CNBD1: variants seen among roughly 807,000 people sequenced by gnomAD.
CNBD1 encodes cyclic nucleotide-binding domain-containing protein 1.
CNBD1 carries 71 observed loss-of-function variants against 54.4 expected under a neutral mutation model. The observed-to-expected ratio is 1.30, with a 90% confidence interval of 1.08 to 1.59. The LOEUF is 1.59. CNBD1 is among the 40% of genes most tolerant of loss of function. The pLI, the probability that CNBD1 is intolerant of heterozygous loss-of-function variation, is 0.00. For synonymous variants in CNBD1, 182 were observed against 170.7 expected, an observed-to-expected ratio of 1.07 and a Z score of -0.51; for missense variants, 659 against 518.0, an observed-to-expected ratio of 1.27 and a Z score of -2.64.
intron 2 of CNBD1, among the ~76,000 whole-genome samples, chr8:87,417,619 A>G (rs112045230): frequency 0.015 from 2,281 of 152,080 alleles, 58 homozygotes; most frequent in African/African-American, 0.049. Flanking sequence ...CATACACACA[A>G]AGCCAATTAA....
chr8:87,149,171 T>C (rs1812550015), intron 4 of CNBD1, among the ~76,000 whole-genome samples: 1 of 152,194 alleles, frequency 6.6e-6, no homozygotes, highest in Non-Finnish European at 1.5e-5. Flanking sequence ...TTGTTATTAC[T>C]GCTAAATATA....
intron 5 of CNBD1, among the ~76,000 whole-genome samples, chr8:87,226,073 G>C (rs1209238062): frequency 6.6e-6 from 1 of 151,980 alleles, no homozygotes; most frequent in Admixed American, 6.6e-5. Context: ...ATTTCTGTGG[G>C]ATCGGTGGTG....
At chr8:87,127,453 C>T (rs370938540) in intron 4 of CNBD1, among the ~76,000 whole-genome samples, 20 of 151,972 alleles carry the variant, frequency 1.3e-4, no homozygotes, top group East Asian at 3.9e-4. Context: ...ACTATCTGGA[C>T]GTTCATTGTT....
intron 5 of CNBD1, among the ~76,000 whole-genome samples, chr8:87,232,472 T>C (rs1318445667): frequency 6.6e-6 from 1 of 152,178 alleles, no homozygotes; most frequent in East Asian, 1.9e-4. Flanking sequence ...TATTGCAGTC[T>C]CCCTCTTCTG....
intron 10 of CNBD1, among the ~76,000 whole-genome samples, chr8:87,382,105 T>G (rs1408148279): frequency 1.3e-5 from 2 of 151,840 alleles, no homozygotes; most frequent in Non-Finnish European, 2.9e-5. Context: ...TATTAAATAA[T>G]AGAAAACAAA....
chr8:87,108,952 TAA>T (rs1811601610), intron 4 of CNBD1, among the ~76,000 whole-genome samples: 3 of 152,156 alleles, frequency 2.0e-5, no homozygotes, highest in Non-Finnish European at 4.4e-5. Context: ...TAGCATTTGG[TAA>T]AAGTTATTTA....
rs1229266249 is a variant in CNBD1, at chr8:87,112,145, C to T, written c.432-93848C>T. Among the ~76,000 whole-genome samples, 4 of 152,170 alleles carry T rather than the reference C, an allele frequency of 2.6e-5. No homozygotes were observed. In the South Asian group the frequency reaches 6.2e-4, roughly 24 times the overall value. ...TGTCCACTTCTCTGTGCTTTTGATT[C>T]TTCCATCATCTGCCTGCTCACTCTT... On this transcript the variant is annotated intron_variant, in intron 4 of 10. Coordinates refer to ENST00000518476, the MANE Select transcript of CNBD1 (RefSeq NM_173538.3).
At chr8:86,932,591 C>T (rs1208391830) in intron 3 of CNBD1, among the ~76,000 whole-genome samples, 1 of 152,122 alleles carries the variant, frequency 6.6e-6, no homozygotes, top group Admixed American at 6.6e-5. Flanking sequence ...ATTTGCCTTC[C>T]CTCTTACAGA....
intron 4 of CNBD1, among the ~76,000 whole-genome samples, chr8:87,102,687 C>T (rs1437389066): frequency 1.3e-5 from 2 of 152,170 alleles, no homozygotes; most frequent in South Asian, 2.1e-4. Flanking sequence ...GATTTCGGCT[C>T]ACTGCAAGCT....
intron 8 of CNBD1, among the ~76,000 whole-genome samples, chr8:87,334,023 G>T (rs1009577535): frequency 6.6e-6 from 1 of 151,934 alleles, no homozygotes; most frequent in Non-Finnish European, 1.5e-5. Context: ...TTTGTTTTTT[G>T]GTCGGTAGGC....
chr8:87,182,334 G>A lies in CNBD1; in HGVS notation c.432-23659G>A, dbSNP rs906600132. Among the ~76,000 whole-genome samples the A allele has an allele frequency of 6.6e-6, 1 of 150,772 alleles. No individual in the cohort carries two copies. The highest frequency in any genetic ancestry group is 2.4e-5 in the African/African-American group (1 of 41,318). ...AGGTTGATTCCATGTCTTTGCTACTGTAAACAGCACTGTGATAGACATATG... is the reference window on the plus strand; with the variant it reads ...AGGTTGATTCCATGTCTTTGCTACTATAAACAGCACTGTGATAGACATATG... On this transcript the variant is annotated intron_variant, in intron 4 of 10. Transcript: ENST00000518476. The surrounding 1 kb of genome is among the most constrained non-coding windows in gnomAD (Gnocchi z 4.1).
At chr8:87,123,103 G>C (rs956917521) in intron 4 of CNBD1, among the ~76,000 whole-genome samples, 1 of 151,784 alleles carries the variant, frequency 6.6e-6, no homozygotes, top group African/African-American at 2.4e-5. Context: ...TTTTGACAGA[G>C]AATGCATTGA....
chr8:86,978,383 T>C (rs1056142670), intron 4 of CNBD1, among the ~76,000 whole-genome samples: 1 of 152,110 alleles, frequency 6.6e-6, no homozygotes, highest in African/African-American at 2.4e-5. Context: ...ATAAATGAGA[T>C]AGCAGATAAT....
At chr8:86,945,995 T>C (rs767127235) in intron 4 of CNBD1, among the ~76,000 whole-genome samples, 1 of 152,182 alleles carries the variant, frequency 6.6e-6, no homozygotes, top group Non-Finnish European at 1.5e-5. Context: ...AGTTGTATGA[T>C]CTTGGGCAAA....
chr8:87,137,932 T>G (rs1812291594), intron 4 of CNBD1, among the ~76,000 whole-genome samples: 1 of 152,178 alleles, frequency 6.6e-6, no homozygotes, highest in African/African-American at 2.4e-5. Flanking sequence ...ATGGTTATGA[T>G]TCTTCATTTT....
intron 10 of CNBD1, among the ~76,000 whole-genome samples, chr8:87,362,723 T>G (rs1810548786): frequency 6.6e-6 from 1 of 152,080 alleles, no homozygotes. Context: ...GAACCCTCTG[T>G]GAGTCCACGC....
intron 2 of CNBD1, among the ~76,000 whole-genome samples, chr8:87,410,372 A>G (rs953049347): frequency 3.9e-5 from 6 of 152,192 alleles, no homozygotes. Context: ...AAAATCTTCT[A>G]TAAAGAATTT....
At chr8:87,389,388 G>A (rs1563583048) in intron 2 of CNBD1, among the ~76,000 whole-genome samples, 1 of 152,112 alleles carries the variant, frequency 6.6e-6, no homozygotes, top group Admixed American at 6.5e-5. Context: ...AAGCTGATAG[G>A]CAACTTCAGG....
intron 4 of CNBD1, among the ~76,000 whole-genome samples, chr8:87,006,769 C>T (rs932059053): frequency 2.6e-5 from 4 of 152,194 alleles, no homozygotes; most frequent in Admixed American, 2.0e-4. Flanking sequence ...ACAACTCCTC[C>T]TCTTTAATCT....
Sources: allele counts gnomAD v4.1 joint callset (sites outside exome capture counted in the v4.1 genomes callset), GRCh38; gene constraint gnomAD v4.1.1; non-coding constraint Gnocchi (gnomAD v3.1); transcripts MANE v1.5; gene names NCBI Gene and HGNC (gene_info 2026-07-23, HGNC 2026-07-21).